Variants in DYRK1A observed in about 807,000 individuals in gnomAD.
The protein encoded by DYRK1A is dual specificity tyrosine-phosphorylation-regulated kinase 1A.
DYRK1A carries 9 observed loss-of-function variants against 79.7 expected under a neutral mutation model. The ratio of observed to expected loss-of-function variants is 0.11; its 90% CI spans 0.07 to 0.20. The LOEUF is 0.20. Among genes scored for constraint, DYRK1A ranks in the 10% least tolerant of loss-of-function variants. The pLI is 1.00. For synonymous variants in DYRK1A, 349 were observed against 329.7 expected (o/e 1.06, Z -0.63); for missense variants, 622 against 956.0 (o/e 0.65, Z 4.61).
At chr21:37,392,535 G>A (rs9636922) in intron 1 of DYRK1A, among the ~76,000 whole-genome samples, 6,514 of 152,332 alleles carry the variant, frequency 0.043, 185 homozygotes, top group Middle Eastern at 0.092. Context: ...AGCGGATTCG[G>A]TGTTTGCCGA....
At position 37,516,914 on chromosome 21, in the gene DYRK1A, GTC is replaced by G. The variant is rs1033547491; in HGVS notation, c.*4389_*4390del. 17 of 152,276 alleles carry G rather than the reference GTC, an allele frequency of 1.1e-4. No homozygotes were observed. The highest frequency in any genetic ancestry group is 3.9e-4 in the African/African-American group (16 of 41,550). 9.4% of individuals were successfully genotyped at this position (152,276 alleles called of 1,614,324 possible). On this transcript the variant is annotated 3_prime_UTR_variant, in exon 12 of 12. Coordinates refer to ENST00000647188, the MANE Select transcript of DYRK1A (RefSeq NM_001347721.2). ...TTGAAACACAACTAGAATGCTACAG[GTC>G]TCTCTTCCAGTATGCAGCTGCTGTA...
At position 37,514,871 on chromosome 21, in the gene DYRK1A, C is replaced by T. The variant is rs1334097978; in HGVS notation, c.*2340C>T. The T allele has an allele frequency of 6.6e-6, 1 of 152,462 alleles. No homozygotes were observed. Among genetic ancestry groups the T allele is most frequent in the Non-Finnish European group, 1.5e-5 (1 of 67,992 alleles). 9.4% of individuals were successfully genotyped at this position (152,462 alleles called of 1,614,324 possible). On this transcript the variant is annotated 3_prime_UTR_variant, in exon 12 of 12. Coordinates refer to ENST00000647188, the MANE Select transcript of DYRK1A (RefSeq NM_001347721.2). Reference sequence around the variant, plus strand: ...TTCTGTGCTGGTTGCCACATCTTAGCAAGCACCAAAAAACTAAAGCAGTTT... The same window carrying T: ...TTCTGTGCTGGTTGCCACATCTTAGTAAGCACCAAAAAACTAAAGCAGTTT...
At chr21:37,483,306 G>A (rs540687120) in intron 5 of DYRK1A, among the ~76,000 whole-genome samples, 8 of 152,262 alleles carry the variant, frequency 5.3e-5, no homozygotes, top group African/African-American at 9.6e-5. Context: ...TCCGTTTGGG[G>A]TCCCTGACTT....
In DYRK1A at chr21:37,498,536, T is replaced by A. The variant is rs762154777; in HGVS notation, c.1212+2278T>A. On this transcript the variant is annotated intron_variant, in intron 9 of 11. Coordinates refer to ENST00000647188, the MANE Select transcript of DYRK1A (RefSeq NM_001347721.2). ...TATTGTATGTCTCAGGAATTAATTT[T>A]TTTTTATTGCTTCAACATATTTCAT... is the stretch of plus-strand genomic sequence containing the variant. Among the ~76,000 whole-genome samples, 151 of 152,378 alleles carry A rather than the reference T, an allele frequency of 9.9e-4. 1 individual carries two copies. The highest frequency in any genetic ancestry group is 1.8e-3 in the Admixed American group (27 of 15,308).
In DYRK1A at chr21:37,513,426, A is replaced by G. The variant is rs1415231325; in HGVS notation, c.*895A>G. 1 of 152,658 alleles carries G rather than the reference A, an allele frequency of 6.6e-6. No homozygotes were observed. Among genetic ancestry groups the G allele is most frequent in the Non-Finnish European group, 1.5e-5 (1 of 68,044 alleles). 9.5% of individuals were successfully genotyped at this position (152,658 alleles called of 1,614,324 possible). A position where few individuals can be genotyped will look rare whatever the true frequency, so the allele number is the denominator to read the frequency against. On this transcript the variant is annotated 3_prime_UTR_variant, in exon 12 of 12. Coordinates refer to ENST00000647188, the MANE Select transcript of DYRK1A (RefSeq NM_001347721.2). ...ATTTCAGATGCAATCACTTTTGGAC[A>G]TGCTTTTGCAGACAGTCCTTAATGC...
intron 1 of DYRK1A, among the ~76,000 whole-genome samples, chr21:37,405,648 A>G (rs138404930): frequency 7.6e-4 from 116 of 152,344 alleles, no homozygotes; most frequent in African/African-American, 2.6e-3. Context: ...CTTGTCAAAT[A>G]TCAGAAAGGT....
At chr21:37,484,793 C>T (rs2052794696) in intron 5 of DYRK1A, among the ~76,000 whole-genome samples, 1 of 152,158 alleles carries the variant, frequency 6.6e-6, no homozygotes, top group Non-Finnish European at 1.5e-5. Flanking sequence ...TTCCACAGAA[C>T]AAGTGAGCAC....
intron 11 of DYRK1A, among the ~76,000 whole-genome samples, chr21:37,510,875 G>T (rs1036561707): frequency 6.6e-6 from 1 of 152,072 alleles, no homozygotes; most frequent in Non-Finnish European, 1.5e-5. Flanking sequence ...TACAAGGGAG[G>T]CTGGGAAGTG....
intron 2 of DYRK1A, among the ~76,000 whole-genome samples, chr21:37,440,765 A>G (rs1411552925): frequency 6.6e-6 from 1 of 152,122 alleles, no homozygotes; most frequent in Admixed American, 6.5e-5. Context: ...CAGAGAACGT[A>G]TTTTGAATAA....
chr21:37,476,715 G>A (rs1346182536), intron 3 of DYRK1A, among the ~76,000 whole-genome samples: 1 of 151,668 alleles, frequency 6.6e-6, no homozygotes, highest in Non-Finnish European at 1.5e-5. Context: ...CTTAGCATTA[G>A]CTACTGTTTA....
chr21:37,405,063 A>G (rs932769584), intron 1 of DYRK1A, among the ~76,000 whole-genome samples: 1 of 152,130 alleles, frequency 6.6e-6, no homozygotes, highest in South Asian at 2.1e-4. Context: ...TGGTGGAGAC[A>G]GTTTTCTTTT....
intron 9 of DYRK1A, among the ~76,000 whole-genome samples, chr21:37,499,234 A>AT (rs1349685549): frequency 6.6e-6 from 1 of 151,902 alleles, no homozygotes; most frequent in Non-Finnish European, 1.5e-5. Context: ...TTTTATTTTT[A>AT]TTTTTTAGTC....
intron 1 of DYRK1A, among the ~76,000 whole-genome samples, chr21:37,416,811 T>C (rs546885838): frequency 5.1e-4 from 77 of 152,162 alleles, no homozygotes; most frequent in African/African-American, 1.7e-3. Context: ...CACTGTATTT[T>C]ATCTTTTCAT....
intron 6 of DYRK1A, 76 bp from the exon 7 acceptor site, chr21:37,490,099 A>G: frequency 7.2e-7 from 1 of 1,385,086 alleles, no homozygotes; most frequent in Non-Finnish European, 9.9e-7. Context: ...GTTATAGAAC[A>G]TTTGAGAGTG....
intron 1 of DYRK1A, among the ~76,000 whole-genome samples, chr21:37,374,669 C>T (rs2049501788): frequency 6.6e-6 from 1 of 152,080 alleles, no homozygotes; most frequent in African/African-American, 2.4e-5. Context: ...TCTTGTGCCT[C>T]AGCCTCCCAA....
chr21:37,438,501 T>C (rs2050991967), intron 2 of DYRK1A, among the ~76,000 whole-genome samples: 1 of 152,220 alleles, frequency 6.6e-6, no homozygotes, highest in African/African-American at 2.4e-5. Flanking sequence ...TTGTTAATAG[T>C]GTGCTGCAAA....
At position 37,512,411 on chromosome 21, in the gene DYRK1A, T is replaced by C. The variant is rs1173777263; in HGVS notation, c.2145T>C (p.Ala715=). 3 of 1,614,202 alleles carry C rather than the reference T, an allele frequency of 1.9e-6. No individual in the cohort carries two copies. Among genetic ancestry groups the C allele is most frequent in the Admixed American group, 1.7e-5 (1 of 60,022 alleles). Residue 715 remains alanine, a synonymous_variant, in exon 12 of 12, where the codon GCT becomes GCC. Transcript: ENST00000647188. ...GACATCCAACATACCAATTTTCTGC[T>C]AATACAGGTCCTGCACATTACATGA... ...IAGHPTYQFS[A]NTGPAHYMTE...
rs1024049685 is a variant in DYRK1A at position 37,523,028 on chromosome 21, G to A, written c.*10497G>A. The A allele has an allele frequency of 1.3e-5, 2 of 152,388 alleles. No individual in the cohort carries two copies. Among genetic ancestry groups the A allele is most frequent in the African/African-American group, 4.8e-5 (2 of 41,446 alleles). The allele number at this position is 152,388 out of a possible 1,614,324, so 9.4% of individuals were successfully genotyped here. On this transcript the variant is annotated 3_prime_UTR_variant, in exon 12 of 12. Transcript: ENST00000647188. ...CCCACATGTTAGTCTTCATAGATTA[G>A]TCTTCATCAATTCTTAGTATTATTT...
At chr21:37,369,616 C>G (rs541282108) in intron 1 of DYRK1A, among the ~76,000 whole-genome samples, 2 of 152,316 alleles carry the variant, frequency 1.3e-5, no homozygotes, top group South Asian at 2.1e-4. Flanking sequence ...ATTTTTACCT[C>G]GAGAGGCATA....
Sources: gnomAD v4.1 joint callset for allele counts (sites outside exome capture counted in the v4.1 genomes callset) on GRCh38, gnomAD v4.1.1 for gene constraint, MANE v1.5 for transcripts, NCBI Gene and HGNC (gene_info 2026-07-23, HGNC 2026-07-21) for gene names.